The following CXADR variants were observed in gnomAD, a reference collection of about 807,000 sequenced individuals.
The protein encoded by CXADR is coxsackievirus and adenovirus receptor.
CXADR carries 20 observed loss-of-function variants against 40.3 expected under a neutral mutation model. The observed-to-expected ratio is 0.50, with a 90% CI of 0.35 to 0.72. The LOEUF is 0.72. Among genes scored for constraint, CXADR ranks in the 30% least tolerant of loss-of-function variants. The pLI, the probability that CXADR is intolerant of heterozygous loss-of-function variation, is 0.01. For synonymous variants in CXADR, 150 were observed against 161.3 expected (o/e 0.93, Z 0.53); for missense variants, 332 against 449.1 (o/e 0.74, Z 2.36).
the CXADR span, among the ~76,000 whole-genome samples, chr21:17,603,957 ATG>A: frequency 6.6e-6 from 1 of 152,232 alleles, no homozygotes; most frequent in Non-Finnish European, 1.5e-5. Flanking sequence ...TAAAAGCAGA[ATG>A]TTGCTTTCGT....
downstream of CXADR, among the ~76,000 whole-genome samples, chr21:17,570,672 T>C (rs2074211350): frequency 2.0e-5 from 3 of 152,282 alleles, no homozygotes; most frequent in South Asian, 6.2e-4. Flanking sequence ...GTATTAAGAT[T>C]TCAGCATAAT....
the CXADR span, among the ~76,000 whole-genome samples, chr21:17,607,450 T>C: frequency 6.6e-6 from 1 of 152,238 alleles, no homozygotes; most frequent in Non-Finnish European, 1.5e-5. Context: ...TGTGTTAGCG[T>C]GCACATTTCT....
At chr21:17,600,519 G>C in the CXADR span, among the ~76,000 whole-genome samples, 1 of 152,108 alleles carries the variant, frequency 6.6e-6, no homozygotes, top group African/African-American at 2.4e-5. Flanking sequence ...CTGCTATAAA[G>C]CCTTTGAAAA....
intron 1 of CXADR, among the ~76,000 whole-genome samples, chr21:17,527,752 T>C (rs2060614858): frequency 6.6e-6 from 1 of 152,166 alleles, no homozygotes; most frequent in South Asian, 2.1e-4. Context: ...ACTTCTGCCC[T>C]TTGCTTATAT....
rs1247076796 is a variant in CXADR, at chr21:17,569,990, A to G, written c.*4298A>G. The G allele has an allele frequency of 1.0e-6, 1 of 985,322 alleles. No individual in the cohort carries two copies. The highest frequency in any genetic ancestry group is 1.7e-5 in the African/African-American group (1 of 57,258). The allele number at this position is 985,322 out of a possible 1,614,324, so 61.0% of individuals were successfully genotyped here. On this transcript the variant is annotated 3_prime_UTR_variant, in exon 7 of 7. Coordinates refer to ENST00000284878, the MANE Select transcript of CXADR (RefSeq NM_001338.5). ...TTTGTATGTACGATTTCTGGCTTAT[A>G]TATCCAATGGTGCAGATTTTGAAAT...
intron 1 of CXADR, among the ~76,000 whole-genome samples, chr21:17,515,279 C>T (rs932957780): frequency 6.6e-6 from 1 of 151,804 alleles, no homozygotes; most frequent in Admixed American, 6.6e-5. Context: ...AAAAATACAA[C>T]AAAATAAAAC....
intron 4 of CXADR, among the ~76,000 whole-genome samples, chr21:17,559,460 C>T (rs1314667290): frequency 6.6e-6 from 1 of 151,616 alleles, no homozygotes; most frequent in Non-Finnish European, 1.5e-5. Context: ...GCTGGGATTA[C>T]AGGCATGAGC....
In CXADR at chr21:17,569,606, G is replaced by T. The variant is rs2061258413; in HGVS notation, c.*3914G>T. 3.0e-6 allele frequency: 3 copies of T among 984,972 alleles called. No homozygotes were observed. In the African/African-American group the frequency reaches 5.2e-5, roughly 17 times the overall value. The allele number at this position is 984,972 out of a possible 1,614,324, so 61.0% of individuals were successfully genotyped here. A position where few individuals can be genotyped will look rare whatever the true frequency, so the allele number is the denominator to read the frequency against. On this transcript the variant is annotated 3_prime_UTR_variant, in exon 7 of 7. Coordinates refer to ENST00000284878, the MANE Select transcript of CXADR (RefSeq NM_001338.5). ...AGAATAATAAACACATTTGTGAATT[G>T]TGGTTCAGTTTATTTATCTTTAGGG... is the stretch of plus-strand genomic sequence containing the variant.
exon 8 of CXADR, chr21:17,593,332 T>C (rs2061459773): frequency 1.3e-6 from 1 of 753,938 alleles, no homozygotes; most frequent in Non-Finnish European, 1.8e-6. Flanking sequence ...CTTTATGCAA[T>C]GGCATTAGAC....
At chr21:17,576,087 CAAA>C (rs35462120) in intron 7 of CXADR, among the ~76,000 whole-genome samples, 2 of 121,666 alleles carry the variant, frequency 1.6e-5, no homozygotes, top group East Asian at 2.4e-4. Context: ...GACTCCATCT[CAAA>C]AAAAAAAAAA....
At chr21:17,561,953 C>T (rs2061128202) in intron 6 of CXADR, among the ~76,000 whole-genome samples, 1 of 152,184 alleles carries the variant, frequency 6.6e-6, no homozygotes, top group Non-Finnish European at 1.5e-5. Flanking sequence ...CATGACTTCA[C>T]ACCCTAGAAA....
chr21:17,514,690 A>G (rs2060437144), intron 1 of CXADR, among the ~76,000 whole-genome samples: 1 of 151,300 alleles, frequency 6.6e-6, no homozygotes, highest in Admixed American at 6.6e-5. Flanking sequence ...CTGGAGTGCA[A>G]TGGCGTGATC....
intron 1 of CXADR, among the ~76,000 whole-genome samples, chr21:17,528,369 C>A (rs376293697): frequency 6.6e-6 from 1 of 151,618 alleles, no homozygotes; most frequent in African/African-American, 2.4e-5. Context: ...CCACCGCGCC[C>A]GGCATGCTTA....
At chr21:17,529,577 T>C (rs990443003) in intron 1 of CXADR, among the ~76,000 whole-genome samples, 1 of 152,206 alleles carries the variant, frequency 6.6e-6, no homozygotes, top group Admixed American at 6.6e-5. Context: ...CACCTTGGTC[T>C]CCCAAAGTGC....
the CXADR span, among the ~76,000 whole-genome samples, chr21:17,601,328 G>C: frequency 1.3e-5 from 2 of 152,136 alleles, no homozygotes; most frequent in Non-Finnish European, 2.9e-5. Flanking sequence ...GCTAGATAGT[G>C]GTTGATCTAC....
chr21:17,548,642 A>G (rs1031810203), intron 2 of CXADR, among the ~76,000 whole-genome samples: 4 of 152,238 alleles, frequency 2.6e-5, no homozygotes, highest in East Asian at 3.8e-4. Context: ...CCTAGGAACC[A>G]TATGGAGAGC....
the CXADR span, chr21:17,608,967 T>C: frequency 1.2e-6 from 2 of 1,611,102 alleles, no homozygotes; most frequent in Non-Finnish European, 1.7e-6. Context: ...AATCTAATCC[T>C]TTACCTGTAG....
intron 7 of CXADR, among the ~76,000 whole-genome samples, chr21:17,586,220 T>C (rs1361143249): frequency 6.6e-6 from 1 of 152,084 alleles, no homozygotes; most frequent in Non-Finnish European, 1.5e-5. Context: ...CCTTACTAAA[T>C]GATTTACTTT....
chr21:17,612,715 G>A, the CXADR span: 2 of 153,122 alleles, frequency 1.3e-5, no homozygotes, highest in Non-Finnish European at 2.9e-5. Flanking sequence ...TGCCGCCGCC[G>A]CTCTTCGGCC....
Sources: allele counts gnomAD v4.1 joint callset (sites outside exome capture counted in the v4.1 genomes callset), GRCh38; gene constraint gnomAD v4.1.1; transcripts MANE v1.5; gene names NCBI Gene and HGNC (gene_info 2026-07-23, HGNC 2026-07-21).